Variants in COL4A3 observed in about 807,000 individuals in gnomAD.
COL4A3 encodes collagen alpha-3(IV) chain.
A neutral mutation model predicts 217.4 loss-of-function variants in COL4A3; 135 were observed. The ratio of observed to expected loss-of-function variants is 0.62; its 90% CI spans 0.54 to 0.72. The LOEUF is 0.72. COL4A3 is among the 30% of genes least tolerant of loss of function. The probability of loss-of-function intolerance (pLI) is 0.00; values close to 1 mark genes in which losing one functional copy is unlikely to be tolerated. For synonymous variants in COL4A3, 690 were observed against 736.3 expected, an observed-to-expected ratio of 0.94 and a Z score of 1.02; for missense variants, 1,868 against 2,119.9, an observed-to-expected ratio of 0.88 and a Z score of 2.33.
At chr2:227,276,633 TG>T (rs2106126223) in intron 27 of COL4A3, among the ~76,000 whole-genome samples, 156 bp downstream of exon 27, 1 of 152,368 alleles carries the variant, frequency 6.6e-6, no homozygotes, top group East Asian at 1.9e-4. Context: ...GCAAGCAGGC[TG>T]GGGACTTGCT....
intron 1 of COL4A3, among the ~76,000 whole-genome samples, chr2:227,205,196 T>C (rs2067054246): frequency 6.7e-6 from 1 of 148,942 alleles, no homozygotes; most frequent in African/African-American, 2.5e-5. Flanking sequence ...ATATTAAAAA[T>C]AGAGACTACA....
chr2:227,185,117 G>A (rs553556511), intron 1 of COL4A3, among the ~76,000 whole-genome samples: 1 of 152,094 alleles, frequency 6.6e-6, no homozygotes, highest in Non-Finnish European at 1.5e-5. Flanking sequence ...AGCCAGGATG[G>A]TCTCAATCTT....
chr2:227,222,167 ATAATG>A (rs1333536955), intron 1 of COL4A3, among the ~76,000 whole-genome samples: 13,194 of 60,670 alleles, frequency 0.22, 834 homozygotes, highest in South Asian at 0.36. Flanking sequence ...AATAATAATG[ATAATG>A]ATAATAAAAA....
chr2:227,223,167 C>G (rs757946073), intron 1 of COL4A3, among the ~76,000 whole-genome samples: 8 of 152,096 alleles, frequency 5.3e-5, no homozygotes, highest in Admixed American at 1.3e-4. Flanking sequence ...TAAGCCCCTG[C>G]AAGCTGCTTG....
At chr2:227,288,432 A>C (rs546599521) in intron 34 of COL4A3, among the ~76,000 whole-genome samples, 16 of 152,172 alleles carry the variant, frequency 1.1e-4, no homozygotes, top group Non-Finnish European at 2.2e-4. Flanking sequence ...GAGTATGATC[A>C]AAGTCATGTT....
At chr2:227,183,452 T>C (rs530141838) in intron 1 of COL4A3, among the ~76,000 whole-genome samples, 12 of 151,930 alleles carry the variant, frequency 7.9e-5, no homozygotes, top group African/African-American at 2.9e-4. Flanking sequence ...CAGAACAAGG[T>C]GGTGGATGGA....
At chr2:227,309,760 C>T (rs570256340) in intron 50 of COL4A3, among the ~76,000 whole-genome samples, 2 of 152,068 alleles carry the variant, frequency 1.3e-5, no homozygotes, top group East Asian at 1.9e-4. Context: ...TGCTACCATG[C>T]CCAGCTAATT....
At chr2:227,223,527 A>G (rs563316898) in intron 1 of COL4A3, among the ~76,000 whole-genome samples, 90 of 151,944 alleles carry the variant, frequency 5.9e-4, no homozygotes, top group Admixed American at 9.2e-4. Context: ...TGAGGTCAGG[A>G]GTTCAAGACC....
intron 41 of COL4A3, among the ~76,000 whole-genome samples, chr2:227,297,031 T>C (rs992659910): frequency 3.3e-5 from 5 of 152,252 alleles, no homozygotes; most frequent in Admixed American, 2.6e-4. Flanking sequence ...TGAAAAATAT[T>C]AGTATTAACC....
intron 25 of COL4A3, among the ~76,000 whole-genome samples, chr2:227,271,344 G>T (rs1364623058): frequency 6.6e-6 from 1 of 151,902 alleles, no homozygotes; most frequent in Non-Finnish European, 1.5e-5. Flanking sequence ...CATATTTAGG[G>T]GTATGGTAGT....
At chr2:227,232,033 T>C (rs190541816) in intron 1 of COL4A3, among the ~76,000 whole-genome samples, 39 of 152,278 alleles carry the variant, frequency 2.6e-4, no homozygotes, top group Admixed American at 2.4e-3. Flanking sequence ...GATTTTTAGA[T>C]CCCACACATA....
At chr2:227,251,909 A>C (rs2069762604) in intron 11 of COL4A3, among the ~76,000 whole-genome samples, 1 of 151,752 alleles carries the variant, frequency 6.6e-6, no homozygotes, top group Non-Finnish European at 1.5e-5. Flanking sequence ...TCTCTACTAA[A>C]AATACAAAAA....
intron 1 of COL4A3, among the ~76,000 whole-genome samples, chr2:227,193,451 C>T (rs1035499302): frequency 3.9e-5 from 6 of 152,296 alleles, no homozygotes; most frequent in African/African-American, 4.8e-5. Flanking sequence ...CGGCGGCTCA[C>T]GCCTGTAATC....
rs1253233469 is a variant in COL4A3, at chr2:227,309,040, C to G, written c.4604C>G (p.Pro1535Arg). The change falls in exon 49 of 52, where the codon CCC becomes CGC. Residue 1535 changes from proline to arginine, a missense_variant. Coordinates refer to ENST00000396578, the MANE Select transcript of COL4A3 (RefSeq NM_000091.5). ...GCTCTGATGCCAATGAACATGGCTCCCATTACTGGCAGAGCCCTTGAGCCT... is the reference window on the plus strand; with the variant it reads ...GCTCTGATGCCAATGAACATGGCTCGCATTACTGGCAGAGCCCTTGAGCCT... ...TPALMPMNMAPITGRALEPYI... is the reference protein window; with the variant it reads ...TPALMPMNMARITGRALEPYI... The G allele has an allele frequency of 6.2e-7, 1 of 1,614,058 alleles. No homozygotes were observed. The highest frequency in any genetic ancestry group is 1.3e-5 in the African/African-American group (1 of 74,924).
At chr2:227,278,902 C>T (rs953877766) in intron 28 of COL4A3, among the ~76,000 whole-genome samples, 2 of 152,138 alleles carry the variant, frequency 1.3e-5, no homozygotes, top group African/African-American at 2.4e-5. Context: ...ACCGTGGCTT[C>T]CTCTTCTGAA....
intron 1 of COL4A3, among the ~76,000 whole-genome samples, chr2:227,231,781 C>T (rs995797161): frequency 6.6e-6 from 1 of 152,216 alleles, no homozygotes; most frequent in Non-Finnish European, 1.5e-5. Flanking sequence ...ATCCACCTGC[C>T]TTGGCCTCCC....
At chr2:227,231,376 A>T (rs2068396753) in intron 1 of COL4A3, among the ~76,000 whole-genome samples, 1 of 151,752 alleles carries the variant, frequency 6.6e-6, no homozygotes, top group Non-Finnish European at 1.5e-5. Flanking sequence ...TTATTTAAAC[A>T]TTTTTTGTGG....
intron 11 of COL4A3, 117 bp downstream of exon 11, chr2:227,251,488 T>A (rs2069738854): frequency 1.1e-6 from 1 of 930,798 alleles, no homozygotes. Context: ...CTCACAAGGA[T>A]CCCTAGCAGG....
rs11315628 is a variant in COL4A3 at position 227,172,581 on chromosome 2, C to CTTTT, written c.87+7789_87+7792dup. 7.1e-3 allele frequency among the ~76,000 whole-genome samples: 525 copies of CTTTT among 73,508 alleles called. 1 individual carries two copies. The highest frequency in any genetic ancestry group is 9.7e-3 in the African/African-American group (171 of 17,692). 48.2% of individuals were successfully genotyped at this position (73,508 alleles called of 152,430 possible). ...CATCTTCTTCTTTCTTCGTCTTCTT[C>CTTTT]TTTTTTTTTTTTTTTTTTTTTTTTA... On this transcript the variant is annotated intron_variant, in intron 1 of 51. Coordinates refer to ENST00000396578, the MANE Select transcript of COL4A3 (RefSeq NM_000091.5).
Sources: gnomAD v4.1 joint callset for allele counts (sites outside exome capture counted in the v4.1 genomes callset) on GRCh38, gnomAD v4.1.1 for gene constraint, MANE v1.5 for transcripts, NCBI Gene and HGNC (gene_info 2026-07-23, HGNC 2026-07-21) for gene names.